PLBD2: variants seen among roughly 807,000 people sequenced by gnomAD.
The protein encoded by PLBD2 is phospholipase B domain containing 2.
In PLBD2, 51 loss-of-function variants were observed where a neutral mutation model predicts 68.3. That is an observed-to-expected ratio of 0.75 (90% CI 0.60 to 0.94). The LOEUF is 0.94. Among genes scored for constraint, PLBD2 ranks in the 40% least tolerant of loss-of-function variants. PLBD2 has a pLI of 0.00. For synonymous variants in PLBD2, 314 were observed against 339.3 expected (o/e 0.93, Z 0.82); for missense variants, 729 against 792.2 (o/e 0.92, Z 0.96).
chr12:113,390,331 A>C lies in PLBD2; in HGVS notation c.*1705A>C, dbSNP rs1957598041. The C allele has an allele frequency of 6.6e-6, 1 of 150,998 alleles. No individual in the cohort carries two copies. The allele number at this position is 150,998 out of a possible 1,614,324, so 9.4% of individuals were successfully genotyped here. The stretch of plus-strand genomic sequence containing the variant: ...CTACCTATTTGTCACCCATCCACCC[A>C]TCCATCCATCCAATCACCCATCCAA... On this transcript the variant is annotated 3_prime_UTR_variant, in exon 12 of 12. Transcript: ENST00000280800.
rs555908915 is a variant in PLBD2, at chr12:113,384,198, G to A, written c.1051G>A (p.Val351Met). 26 of 1,613,866 alleles carry A rather than the reference G, an allele frequency of 1.6e-5. No homozygotes were observed. The highest frequency in any genetic ancestry group is 1.2e-4 in the South Asian group (11 of 91,066). ...GCVLEWVRNI[V>M]ANRLASDGAT... ...TGTGCTGGAGTGGGTACGCAACATC[G>A]TGGCCAACCGCCTGGCCTCGGATGG... The change falls in exon 7 of 12, where the codon GTG (valine) becomes ATG (methionine). Residue 351 changes from valine to methionine, a missense_variant. By Grantham distance (21) the Val-to-Met change is conservative. Transcript: ENST00000280800. This position sits in a 1 kb window ranked among gnomAD's most constrained non-coding sequence, Gnocchi z 4.2.
At chr12:113,366,083 T>C (rs964732206) in intron 1 of PLBD2, among the ~76,000 whole-genome samples, 4 of 152,194 alleles carry the variant, frequency 2.6e-5, no homozygotes, top group Admixed American at 2.0e-4. Flanking sequence ...TCAAAAAGGC[T>C]TGCTTACTGA....
intron 1 of PLBD2, among the ~76,000 whole-genome samples, chr12:113,365,769 C>T (rs1957337309): frequency 6.6e-6 from 1 of 152,162 alleles, no homozygotes; most frequent in Admixed American, 6.5e-5. Context: ...AGAACTCAGG[C>T]TTCTTCCTTT....
At chr12:113,375,714 G>T (rs1234826691) in intron 5 of PLBD2, among the ~76,000 whole-genome samples, 1 of 152,186 alleles carries the variant, frequency 6.6e-6, no homozygotes, top group Non-Finnish European at 1.5e-5. Context: ...CCTGTCTGGG[G>T]TTGATTGTCA....
At position 113,390,509 on chromosome 12, in the gene PLBD2, ATC is replaced by A. The variant is rs1957600868; in HGVS notation, c.*1885_*1886del. The A allele has an allele frequency of 6.8e-6, 1 of 147,654 alleles. No homozygotes were observed. The highest frequency in any genetic ancestry group is 6.7e-5 in the Admixed American group (1 of 14,854). The allele number at this position is 147,654 out of a possible 1,614,324, so 9.1% of individuals were successfully genotyped here. On this transcript the variant is annotated 3_prime_UTR_variant, in exon 12 of 12. Transcript: ENST00000280800. ...TTTATCCACCCATCCAAACATTTCCATCTGTTTTTCCATCCATCTACCCATCC... is the reference window on the plus strand; with the variant it reads ...TTTATCCACCCATCCAAACATTTCCATGTTTTTCCATCCATCTACCCATCC...
rs1957607474 is a variant in PLBD2, at chr12:113,391,140, A to G, written c.*2514A>G. ...TCCTAAGCCATATTGTGGTATACAG[A>G]CAGATACAAAAAAAAAGGCTCTCTC... On this transcript the variant is annotated 3_prime_UTR_variant, in exon 12 of 12. Coordinates refer to ENST00000280800, the MANE Select transcript of PLBD2 (RefSeq NM_173542.4). 6.6e-6 allele frequency: 1 copy of G among 152,108 alleles called. No individual in the cohort carries two copies. The highest frequency in any genetic ancestry group is 2.4e-5 in the African/African-American group (1 of 41,410). The allele number at this position is 152,108 out of a possible 1,614,324, so 9.4% of individuals were successfully genotyped here.
At chr12:113,382,156 A>ATAGGATTAGTGATTATGAT (rs1426177892) in intron 6 of PLBD2, among the ~76,000 whole-genome samples, 2 of 152,202 alleles carry the variant, frequency 1.3e-5, no homozygotes, top group Non-Finnish European at 2.9e-5. Flanking sequence ...ACCAAAATGT[A>ATAGGATTAGTGATTATGAT]TAGGATTATG....
At chr12:113,382,378 C>T (rs1470490290) in intron 6 of PLBD2, among the ~76,000 whole-genome samples, 3 of 152,216 alleles carry the variant, frequency 2.0e-5, no homozygotes, top group East Asian at 1.9e-4. Context: ...TGACAGTGAC[C>T]GTCCCAGTGA....
chr12:113,358,928 GA>G, intron 1 of PLBD2, 38 bp downstream of exon 1: 1 of 1,481,646 alleles, frequency 6.7e-7, no homozygotes, highest in Non-Finnish European at 8.9e-7. Context: ...GCCATCGGGG[GA>G]GGGGGATGCG....
chr12:113,385,459 G>A (rs975735945), intron 9 of PLBD2, among the ~76,000 whole-genome samples, 176 bp downstream of exon 9: 1 of 152,184 alleles, frequency 6.6e-6, no homozygotes, highest in African/African-American at 2.4e-5. Context: ...GCTTAAGTCA[G>A]CATCCATGTG....
intron 6 of PLBD2, among the ~76,000 whole-genome samples, chr12:113,382,835 T>TTTTTTTTGTGTGTGTGTGTGTGTG (rs1335785271): frequency 4.7e-5 from 5 of 106,610 alleles, no homozygotes; most frequent in African/African-American, 1.9e-4. Flanking sequence ...TGGTGGTTTT[T>TTTTTTTTGTGTGTGTGTGTGTGTG]TGTGTGTGTG....
chr12:113,388,854 C>G lies in PLBD2; in HGVS notation c.*228C>G. ...ACCGTGGCGTCTCTTCTGCCCTGCC[C>G]TAAATCTCCCACTCTCTGTTTCTGT... On this transcript the variant is annotated 3_prime_UTR_variant, in exon 12 of 12. Transcript: ENST00000280800. 2.2e-6 allele frequency: 1 copy of G among 452,702 alleles called. No individual in the cohort carries two copies. Among genetic ancestry groups the G allele is most frequent in the South Asian group, 4.6e-5 (1 of 21,734 alleles). 28.0% of individuals were successfully genotyped at this position (452,702 alleles called of 1,614,324 possible).
intron 9 of PLBD2, among the ~76,000 whole-genome samples, chr12:113,385,623 T>C (rs547015223): frequency 9.2e-5 from 14 of 152,344 alleles, no homozygotes; most frequent in Non-Finnish European, 1.9e-4. Context: ...CTCATTTGAC[T>C]CTTAAAATTG....
rs1957522982 is a variant in PLBD2 at position 113,384,112 on chromosome 12, T to TGTG, written c.966_967insTGG (p.Leu322_Glu323insTrp). 6.2e-7 allele frequency: 1 copy of TGTG among 1,607,922 alleles called. No homozygotes were observed. Among genetic ancestry groups the TGTG allele is most frequent in the Non-Finnish European group, 8.5e-7 (1 of 1,176,250 alleles). ...CCCTTGACCTTCCCACAGGTGACACTGGAGACCACCATTGGCAACAAGAAC... is the reference window on the plus strand; with the variant it reads ...CCCTTGACCTTCCCACAGGTGACACTGTGGGAGACCACCATTGGCAACAAGAAC... On this transcript the variant is annotated inframe_insertion, in exon 7 of 12. Coordinates refer to ENST00000280800, the MANE Select transcript of PLBD2 (RefSeq NM_173542.4). This position sits in a 1 kb window ranked among gnomAD's most constrained non-coding sequence, Gnocchi z 4.2.
chr12:113,367,902 T>C (rs1306525279), intron 1 of PLBD2, among the ~76,000 whole-genome samples: 2 of 151,566 alleles, frequency 1.3e-5, no homozygotes, highest in Admixed American at 6.6e-5. Context: ...GCCAACATGG[T>C]AAAACCCTGT....
intron 11 of PLBD2, among the ~76,000 whole-genome samples, chr12:113,388,199 A>G (rs190154306): frequency 0.015 from 2,207 of 152,148 alleles, 58 homozygotes; most frequent in African/African-American, 0.049. Context: ...AAAATTAGCT[A>G]GGCGTGGTGG....
chr12:113,361,331 TTTTTTTTTTG>T, intron 1 of PLBD2, among the ~76,000 whole-genome samples: 1 of 150,432 alleles, frequency 6.6e-6, no homozygotes, highest in South Asian at 2.1e-4. Flanking sequence ...AAAAAGGTTT[TTTTTTTTTTG>T]TTTTTTTTTT....
intron 2 of PLBD2, among the ~76,000 whole-genome samples, chr12:113,371,626 C>T (rs1337093332): frequency 6.6e-6 from 1 of 152,240 alleles, no homozygotes; most frequent in Non-Finnish European, 1.5e-5. Context: ...GAGGCAAGGC[C>T]ACAAGTGGCT....
chr12:113,361,849 C>G (rs1433394772), intron 1 of PLBD2, among the ~76,000 whole-genome samples: 1 of 152,160 alleles, frequency 6.6e-6, no homozygotes, highest in Non-Finnish European at 1.5e-5. Context: ...CTGACCAGCA[C>G]CTTATCGACG....
Sources: allele counts gnomAD v4.1 joint callset (sites outside exome capture counted in the v4.1 genomes callset), GRCh38; gene constraint gnomAD v4.1.1; non-coding constraint Gnocchi (gnomAD v3.1); transcripts MANE v1.5; gene names NCBI Gene and HGNC (gene_info 2026-07-23, HGNC 2026-07-21).